Variants in XPOT observed in about 807,000 individuals in gnomAD.
XPOT encodes the protein exportin for tRNA.
Under a neutral mutation model 128.2 loss-of-function variants are expected in XPOT, and 34 were observed. That is an observed-to-expected ratio of 0.27 (90% CI 0.20 to 0.35). The LOEUF (loss-of-function observed/expected upper bound fraction) is 0.35. XPOT is among the 10% of genes least tolerant of loss of function. The pLI is 1.00. For synonymous variants in XPOT, 348 were observed against 394.3 expected (o/e 0.88, Z 1.39); for missense variants, 838 against 1,125.3 (o/e 0.74, Z 3.65).
chr12:64,425,363 A>G lies in XPOT; in HGVS notation c.1478A>G (p.Tyr493Cys). The G allele has an allele frequency of 2.5e-6, 4 of 1,613,416 alleles. No individual in the cohort carries two copies. Among genetic ancestry groups the G allele is most frequent in the Admixed American group, 1.7e-5 (1 of 60,018 alleles). Reference sequence around the variant, plus strand: ...CTGGTAACATCAGGAGTCAGTTCCTATCAGCATACATCTGTGACATTGGAG... The same window carrying G: ...CTGGTAACATCAGGAGTCAGTTCCTGTCAGCATACATCTGTGACATTGGAG... ...RTLVTSGVSSYQHTSVTLEFF... is the reference protein window; with the variant it reads ...RTLVTSGVSSCQHTSVTLEFF... The change falls in exon 14 of 25, where the codon TAT becomes TGT. Residue 493 changes from tyrosine to cysteine, a missense_variant. Transcript: ENST00000332707.
intron 11 of XPOT, among the ~76,000 whole-genome samples, chr12:64,423,453 C>G (rs2040160544): frequency 6.6e-6 from 1 of 151,956 alleles, no homozygotes; most frequent in East Asian, 1.9e-4. Flanking sequence ...AACCACCCCC[C>G]CTCCTTTTTT....
intron 3 of XPOT, among the ~76,000 whole-genome samples, chr12:64,416,074 T>C (rs374520595): frequency 5.9e-5 from 9 of 152,350 alleles, no homozygotes; most frequent in South Asian, 4.1e-4. Context: ...TGTTTATAGC[T>C]GGCTAACTGC....
At chr12:64,407,588 A>G (rs1012106590) in intron 1 of XPOT, among the ~76,000 whole-genome samples, 8 of 152,292 alleles carry the variant, frequency 5.3e-5, no homozygotes, top group Admixed American at 2.0e-4. Context: ...GAGTTGGACA[A>G]TAGAGGTCAA....
intron 23 of XPOT, among the ~76,000 whole-genome samples, chr12:64,440,285 A>G (rs1421372950): frequency 6.6e-6 from 1 of 152,216 alleles, no homozygotes; most frequent in African/African-American, 2.4e-5. Context: ...CCATGTTGTT[A>G]CATATGGCAG....
At chr12:64,435,697 C>G (rs766369529) in intron 22 of XPOT, 23 bp downstream of exon 22, 37 of 1,580,930 alleles carry the variant, frequency 2.3e-5, no homozygotes, top group Non-Finnish European at 3.2e-5. Context: ...GTCCATGCCC[C>G]TTCATTTTCA....
intron 8 of XPOT, 125 bp downstream of exon 8, chr12:64,420,646 A>G (rs968594880): frequency 1.3e-6 from 1 of 743,436 alleles, no homozygotes; most frequent in East Asian, 2.7e-5. Flanking sequence ...AGATTATAAT[A>G]TAAACCACTG....
intron 18 of XPOT, 137 bp downstream of exon 18, chr12:64,431,960 T>C: frequency 1.2e-6 from 1 of 862,790 alleles, no homozygotes; most frequent in East Asian, 2.6e-5. Context: ...GGATCATATG[T>C]ATTTTTATCA....
chr12:64,407,899 C>T (rs917352551), intron 1 of XPOT, among the ~76,000 whole-genome samples: 1 of 152,112 alleles, frequency 6.6e-6, no homozygotes, highest in Non-Finnish European at 1.5e-5. Context: ...CAGTCCATAT[C>T]CTGAGTTATT....
At chr12:64,444,268 T>A (rs2040350521) in intron 23 of XPOT, among the ~76,000 whole-genome samples, 1 of 152,212 alleles carries the variant, frequency 6.6e-6, no homozygotes, top group East Asian at 1.9e-4. Flanking sequence ...ATCCACCTTG[T>A]CTAGGAGAGC....
At position 64,420,129 on chromosome 12, in the gene XPOT, G is replaced by T. The variant is rs2040124785; in HGVS notation, c.549G>T (p.Leu183=). The T allele has an allele frequency of 6.2e-7, 1 of 1,610,168 alleles. No homozygotes were observed. The change falls in exon 7 of 25, where the codon CTG becomes CTT. Residue 183 remains leucine, a synonymous_variant. Coordinates refer to ENST00000332707, the MANE Select transcript of XPOT (RefSeq NM_007235.6). ...TGAGGGAACAGTGCATTCCAAATCT[G>T]GTGGAATCATGGTACCAAATATTAC... is the stretch of plus-strand genomic sequence containing the variant. The part of the protein sequence containing the change: ...DTMREQCIPN[L]VESWYQILQN...
intron 4 of XPOT, 114 bp downstream of exon 4, chr12:64,416,868 A>G: frequency 1.1e-6 from 1 of 949,218 alleles, no homozygotes; most frequent in Non-Finnish European, 1.6e-6. Flanking sequence ...CACAGTGTAT[A>G]TGTTATATCC....
chr12:64,443,900 C>T (rs1464191147), intron 23 of XPOT, among the ~76,000 whole-genome samples: 1 of 152,052 alleles, frequency 6.6e-6, no homozygotes, highest in African/African-American at 2.4e-5. Context: ...ATATTAATGA[C>T]TTTCTTGGTT....
At chr12:64,447,965 A>G in intron 24 of XPOT, 140 bp from the exon 25 acceptor site, 1 of 741,482 alleles carries the variant, frequency 1.3e-6, no homozygotes, top group Non-Finnish European at 2.3e-6. Context: ...AGCTTGGATT[A>G]CATACGGATA....
At chr12:64,414,862 A>G in intron 2 of XPOT, 45 bp from the exon 3 acceptor site, 1 of 1,205,248 alleles carries the variant, frequency 8.3e-7, no homozygotes, top group East Asian at 2.3e-5. Context: ...CAGGGCATTG[A>G]GATTGTTTAT....
chr12:64,433,841 TATAA>T, intron 19 of XPOT, among the ~76,000 whole-genome samples: 1 of 152,222 alleles, frequency 6.6e-6, no homozygotes, highest in Non-Finnish European at 1.5e-5. Context: ...TCTTTAGCAA[TATAA>T]ATAACATGGT....
Position 64,409,946 on chromosome 12 carries a change from T to C in XPOT, c.-74-16T>C, listed in dbSNP as rs1181707684. The stretch of plus-strand genomic sequence containing the variant: ...TATCAAGTAATGTTTTCTTTCAACT[T>C]TGTTTTTTGTGGCAGATGTTTATAA... On this transcript the variant is annotated splice_polypyrimidine_tract_variant and intron_variant, in intron 1 of 24. Coordinates refer to ENST00000332707, the MANE Select transcript of XPOT (RefSeq NM_007235.6). The C allele has an allele frequency of 5.0e-6, 5 of 998,518 alleles. No individual in the cohort carries two copies. The highest frequency in any genetic ancestry group is 7.9e-6 in the Non-Finnish European group (5 of 635,220). 61.9% of individuals were successfully genotyped at this position (998,518 alleles called of 1,614,324 possible). A position where few individuals can be genotyped will look rare whatever the true frequency, so the allele number is the denominator to read the frequency against.
chr12:64,437,033 T>C (rs1245088997), intron 22 of XPOT, among the ~76,000 whole-genome samples: 1 of 152,180 alleles, frequency 6.6e-6, no homozygotes, highest in Non-Finnish European at 1.5e-5. Context: ...AGAGCAGTAG[T>C]TGCCCTCACC....
intron 22 of XPOT, 134 bp from the exon 23 acceptor site, chr12:64,439,110 C>G (rs2040305152): frequency 2.7e-6 from 2 of 732,628 alleles, no homozygotes; most frequent in Non-Finnish European, 4.5e-6. Context: ...CAAACCAAGG[C>G]AGTCTGGCTC....
At position 64,437,790 on chromosome 12, in the gene XPOT, G is replaced by A. The variant is rs531763496; in HGVS notation, c.2734-1454G>A. Among the ~76,000 whole-genome samples, 12 of 152,256 alleles carry A rather than the reference G, an allele frequency of 7.9e-5. 1 individual carries two copies. In the East Asian group the frequency reaches 2.3e-3, roughly 29 times the overall value. ...CTAAGACCAGAACAGAAAGAACTTT[G>A]GCTCAAGCAAGAGTCAACAGAAAGG... On this transcript the variant is annotated intron_variant, in intron 22 of 24. Transcript: ENST00000332707.
Sources: gnomAD v4.1 joint callset for allele counts (sites outside exome capture counted in the v4.1 genomes callset) on GRCh38, gnomAD v4.1.1 for gene constraint, MANE v1.5 for transcripts, NCBI Gene and HGNC (gene_info 2026-07-23, HGNC 2026-07-21) for gene names.